The following LRP1B variants were observed in gnomAD, a reference collection of about 807,000 sequenced individuals.
The protein encoded by LRP1B is LDL receptor related protein 1B, also known as low-density lipoprotein receptor-related protein 1B.
A neutral mutation model predicts 556.6 loss-of-function variants in LRP1B; 217 were observed. The ratio of observed to expected loss-of-function variants is 0.39; its 90% CI spans 0.35 to 0.44. LRP1B has a LOEUF of 0.44. Ranked by LOEUF, LRP1B falls within the 20% of genes least tolerant of loss-of-function variation. The pLI, the probability that LRP1B is intolerant of heterozygous loss-of-function variation, is 1.00. For missense variants in LRP1B, 5,053 were observed against 5,620.8 expected (o/e 0.90, Z 3.23); for synonymous variants, 2,047 against 1,865.8 (o/e 1.10, Z -2.50).
intron 6 of LRP1B, among the ~76,000 whole-genome samples, chr2:141,220,093 C>G (rs886513759): frequency 6.6e-6 from 1 of 152,158 alleles, no homozygotes. Flanking sequence ...AATGACCTGA[C>G]AGAATTAGGC....
chr2:142,107,328 T>C (rs1414920028), intron 1 of LRP1B, among the ~76,000 whole-genome samples: 1 of 152,150 alleles, frequency 6.6e-6, no homozygotes, highest in African/African-American at 2.4e-5. Context: ...CGTTGATGGA[T>C]TAATGTGGCT....
At chr2:140,322,379 A>G (rs141148604) in intron 81 of LRP1B, among the ~76,000 whole-genome samples, 1 of 152,178 alleles carries the variant, frequency 6.6e-6, no homozygotes, top group East Asian at 1.9e-4. Flanking sequence ...TGCTTTTGGC[A>G]TAAGAGTTGG....
At chr2:140,414,165 C>T (rs1031679255) in intron 66 of LRP1B, among the ~76,000 whole-genome samples, 1 of 152,164 alleles carries the variant, frequency 6.6e-6, no homozygotes, top group African/African-American at 2.4e-5. Context: ...ATCCTCCCAC[C>T]TTTACCTTTC....
intron 3 of LRP1B, among the ~76,000 whole-genome samples, chr2:141,473,676 T>C (rs1211702282): frequency 6.6e-6 from 1 of 152,168 alleles, no homozygotes; most frequent in Non-Finnish European, 1.5e-5. Flanking sequence ...AACCTAGGTC[T>C]TCCTGGGTAA....
intron 1 of LRP1B, among the ~76,000 whole-genome samples, chr2:141,854,070 A>C (rs1394780005): frequency 6.6e-6 from 1 of 152,038 alleles, no homozygotes; most frequent in East Asian, 1.9e-4. Context: ...GCAACAAACC[A>C]TTAAACATTG....
chr2:141,069,874 A>T (rs554728376), intron 7 of LRP1B, among the ~76,000 whole-genome samples: 1 of 151,966 alleles, frequency 6.6e-6, no homozygotes, highest in African/African-American at 2.4e-5. Context: ...ACATATGTAT[A>T]CATGTGCCAT....
chr2:141,579,906 T>C (rs142555413), intron 2 of LRP1B, among the ~76,000 whole-genome samples: 2,010 of 152,126 alleles, frequency 0.013, 55 homozygotes, highest in African/African-American at 0.045. Flanking sequence ...TTCACCGCAT[T>C]AGCCAGGATG....
intron 1 of LRP1B, among the ~76,000 whole-genome samples, chr2:141,826,306 A>C: frequency 6.6e-6 from 1 of 151,450 alleles, no homozygotes; most frequent in Middle Eastern, 3.5e-3. Context: ...TAATACATTT[A>C]ATAAGGATAT....
intron 1 of LRP1B, among the ~76,000 whole-genome samples, chr2:142,002,219 A>G (rs549720869): frequency 6.6e-6 from 1 of 152,320 alleles, no homozygotes; most frequent in Admixed American, 6.5e-5. Flanking sequence ...GTATTGATCT[A>G]TTAAACTATC....
At chr2:140,599,081 A>C (rs1393137491) in intron 42 of LRP1B, among the ~76,000 whole-genome samples, 1 of 152,124 alleles carries the variant, frequency 6.6e-6, no homozygotes, top group Non-Finnish European at 1.5e-5. Context: ...TATTCCTTCA[A>C]ATGATAATTT....
rs151227453 is a variant in LRP1B at position 141,810,529 on chromosome 2, G to A, written c.83-128C>T. 1.5e-4 allele frequency: 150 copies of A among 971,930 alleles called. 2 individuals are homozygous for A. The East Asian group carries it at 3.0e-3, about 19-fold the overall frequency. The allele number at this position is 971,930 out of a possible 1,614,324, so 60.2% of individuals were successfully genotyped here. A position where few individuals can be genotyped will look rare whatever the true frequency, so the allele number is the denominator to read the frequency against. On this transcript the variant is annotated intron_variant, in intron 1 of 90. Coordinates refer to ENST00000389484, the MANE Select transcript of LRP1B (RefSeq NM_018557.3). ...TGAATATGATCCACATTTTCTGTTC[G>A]GCAGCAAAGACAAACCAATTATTTT...
intron 1 of LRP1B, among the ~76,000 whole-genome samples, chr2:142,052,878 C>T (rs1704514038): frequency 6.6e-6 from 1 of 152,106 alleles, no homozygotes; most frequent in South Asian, 2.1e-4. Context: ...AGGGGTAGTG[C>T]TAATTGATTT....
At chr2:141,543,187 T>C (rs1685328526) in intron 2 of LRP1B, among the ~76,000 whole-genome samples, 1 of 152,004 alleles carries the variant, frequency 6.6e-6, no homozygotes, top group African/African-American at 2.4e-5. Flanking sequence ...ATAATCTTAG[T>C]TTCACTGCAT....
At chr2:140,420,181 A>T (rs1685375729) in intron 66 of LRP1B, among the ~76,000 whole-genome samples, 1 of 152,124 alleles carries the variant, frequency 6.6e-6, no homozygotes, top group Non-Finnish European at 1.5e-5. Flanking sequence ...TTGGATGCAG[A>T]TAAAAAAAGT....
chr2:140,373,516 A>G (rs1683086390), intron 68 of LRP1B, among the ~76,000 whole-genome samples: 1 of 152,200 alleles, frequency 6.6e-6, no homozygotes. Context: ...TGGCTTCATC[A>G]TACTAATTAA....
At chr2:140,851,507 T>C (rs1208939924) in intron 28 of LRP1B, 145 bp downstream of exon 28, 1 of 760,566 alleles carries the variant, frequency 1.3e-6, no homozygotes, top group Non-Finnish European at 2.1e-6. Flanking sequence ...CAATAGTGGA[T>C]GGAAATAGCA....
At chr2:140,530,610 A>G (rs1401530512) in intron 47 of LRP1B, among the ~76,000 whole-genome samples, 1 of 152,136 alleles carries the variant, frequency 6.6e-6, no homozygotes, top group Non-Finnish European at 1.5e-5. Flanking sequence ...TCATCCAAAT[A>G]GCTACCCATT....
chr2:142,053,241 G>A (rs1194446106), intron 1 of LRP1B, among the ~76,000 whole-genome samples: 1 of 152,078 alleles, frequency 6.6e-6, no homozygotes, highest in Non-Finnish European at 1.5e-5. Context: ...ATAGAAAATA[G>A]TTAAATTCAA....
intron 41 of LRP1B, among the ~76,000 whole-genome samples, chr2:140,621,384 C>CA (rs61045975): frequency 0.66 from 70,313 of 106,692 alleles, 21,368 homozygotes; most frequent in East Asian, 0.73. Flanking sequence ...GACTCTGTCT[C>CA]AAAAAAAAAA....
Sources: allele counts gnomAD v4.1 joint callset (sites outside exome capture counted in the v4.1 genomes callset), GRCh38; gene constraint gnomAD v4.1.1; transcripts MANE v1.5; gene names NCBI Gene and HGNC (gene_info 2026-07-23, HGNC 2026-07-21).